Variants in CCDC91 observed in about 807,000 individuals in gnomAD.
CCDC91 encodes the protein coiled-coil domain-containing protein 91.
A neutral mutation model predicts 63.2 loss-of-function variants in CCDC91; 48 were observed. The observed-to-expected ratio is 0.76, with a 90% CI of 0.60 to 0.97. CCDC91 has a LOEUF of 0.97. CCDC91 is among the 50% of genes least tolerant of loss of function. CCDC91 has a pLI of 0.00. For synonymous variants in CCDC91, 167 were observed against 165.8 expected, an observed-to-expected ratio of 1.01 and a Z score of -0.06; for missense variants, 500 against 494.6, an observed-to-expected ratio of 1.01 and a Z score of -0.10.
At chr12:28,345,504 A>G (rs547806262) in intron 6 of CCDC91, among the ~76,000 whole-genome samples, 1 of 152,132 alleles carries the variant, frequency 6.6e-6, no homozygotes, top group South Asian at 2.1e-4. Flanking sequence ...TTTTATAGCT[A>G]TTTATTCACT....
intron 1 of CCDC91, chr12:28,191,339 G>A (rs1186875372): frequency 1.3e-5 from 2 of 152,258 alleles, no homozygotes; most frequent in Admixed American, 1.3e-4. Context: ...TTTTTGGTAG[G>A]ATGATGTTGC....
At chr12:28,405,400 T>C (rs1422608083) in intron 8 of CCDC91, among the ~76,000 whole-genome samples, 1 of 152,160 alleles carries the variant, frequency 6.6e-6, no homozygotes, top group African/African-American at 2.4e-5. Flanking sequence ...CTATTGTTAT[T>C]TTAAAGAAAC....
intron 11 of CCDC91, among the ~76,000 whole-genome samples, chr12:28,477,057 G>C (rs1463906727): frequency 2.0e-5 from 3 of 152,114 alleles, no homozygotes; most frequent in African/African-American, 4.8e-5. Flanking sequence ...AGGAGGAGCT[G>C]GTACCATTCC....
At chr12:28,254,503 A>G (rs1946314901) in intron 1 of CCDC91, among the ~76,000 whole-genome samples, 1 of 152,192 alleles carries the variant, frequency 6.6e-6, no homozygotes. Context: ...TACATAAATA[A>G]GCCCACATTT....
At chr12:28,521,866 G>A (rs1940708362) in intron 12 of CCDC91, among the ~76,000 whole-genome samples, 1 of 152,130 alleles carries the variant, frequency 6.6e-6, no homozygotes, top group Admixed American at 6.6e-5. Flanking sequence ...TTCATATGCT[G>A]GATTACACTT....
intron 8 of CCDC91, among the ~76,000 whole-genome samples, chr12:28,436,226 C>A (rs1329900037): frequency 2.6e-5 from 4 of 151,540 alleles, no homozygotes; most frequent in African/African-American, 9.7e-5. Context: ...TTATATGATT[C>A]TTTTTTTCTT....
intron 12 of CCDC91, among the ~76,000 whole-genome samples, chr12:28,523,862 G>A (rs1041142971): frequency 1.6e-4 from 24 of 152,086 alleles, no homozygotes; most frequent in Non-Finnish European, 3.4e-4. Flanking sequence ...ATGAAATTCT[G>A]GGTTGAAAAT....
intron 8 of CCDC91, among the ~76,000 whole-genome samples, chr12:28,413,924 G>A (rs777668728): frequency 2.2e-4 from 34 of 152,112 alleles, no homozygotes; most frequent in Non-Finnish European, 3.8e-4. Context: ...TGATGAATAC[G>A]GTACATGTCC....
At chr12:28,522,509 C>G (rs1337888825) in intron 12 of CCDC91, among the ~76,000 whole-genome samples, 2 of 152,026 alleles carry the variant, frequency 1.3e-5, no homozygotes, top group African/African-American at 2.4e-5. Flanking sequence ...TTTTATTGAT[C>G]TTTTCAAAAA....
At chr12:28,329,330 T>G (rs1404073370) in intron 6 of CCDC91, among the ~76,000 whole-genome samples, 1 of 152,212 alleles carries the variant, frequency 6.6e-6, no homozygotes, top group Non-Finnish European at 1.5e-5. Flanking sequence ...GTGGCATGTA[T>G]TTCATTCCCA....
At chr12:28,318,321 G>A (rs1026169281) in intron 6 of CCDC91, among the ~76,000 whole-genome samples, 25 of 150,916 alleles carry the variant, frequency 1.7e-4, no homozygotes, top group Non-Finnish European at 4.4e-5. Flanking sequence ...CAGGTAAATC[G>A]AGACCAGCTT....
chr12:28,211,127 A>G (rs1411967331), intron 1 of CCDC91, among the ~76,000 whole-genome samples: 5 of 149,916 alleles, frequency 3.3e-5, no homozygotes. Flanking sequence ...GACCAGCCTC[A>G]GAATTCTTTT....
At position 28,218,328 on chromosome 12, in the gene CCDC91, T is replaced by G. The variant is rs1185851305; in HGVS notation, c.-15+27687T>G. Among the ~76,000 whole-genome samples, 3 of 152,210 alleles carry G rather than the reference T, an allele frequency of 2.0e-5. No individual in the cohort carries two copies. In the South Asian group the frequency reaches 6.2e-4, roughly 32 times the overall value. ...TAGCACTAGTGACAAGCATAGAGGCTGTGATAAAAGTCTCTAATAGAAAGC... is the reference window on the plus strand; with the variant it reads ...TAGCACTAGTGACAAGCATAGAGGCGGTGATAAAAGTCTCTAATAGAAAGC... On this transcript the variant is annotated intron_variant, in intron 1 of 12. Transcript: ENST00000536442.
intron 7 of CCDC91, among the ~76,000 whole-genome samples, chr12:28,369,672 G>C (rs1944489218): frequency 6.6e-6 from 1 of 152,186 alleles, no homozygotes; most frequent in Non-Finnish European, 1.5e-5. Flanking sequence ...GGTTCTCTGT[G>C]AGGGCTCCTC....
chr12:28,324,125 G>T (rs1471303433), intron 6 of CCDC91, among the ~76,000 whole-genome samples: 2 of 151,752 alleles, frequency 1.3e-5, no homozygotes, highest in African/African-American at 4.8e-5. Context: ...ATAAAGTAAA[G>T]AAATACAAAT....
intron 8 of CCDC91, among the ~76,000 whole-genome samples, chr12:28,420,480 A>G (rs1462971338): frequency 6.6e-6 from 1 of 152,194 alleles, no homozygotes; most frequent in African/African-American, 2.4e-5. Flanking sequence ...GTTATATGCC[A>G]TCTGTATGTA....
At chr12:28,267,205 A>C (rs555729589) in intron 3 of CCDC91, among the ~76,000 whole-genome samples, 7 of 151,882 alleles carry the variant, frequency 4.6e-5, no homozygotes, top group Admixed American at 4.6e-4. Flanking sequence ...AACCATCCCA[A>C]TATCTTCCAG....
chr12:28,422,564 T>G (rs554803052), intron 8 of CCDC91, among the ~76,000 whole-genome samples: 1 of 152,122 alleles, frequency 6.6e-6, no homozygotes, highest in East Asian at 1.9e-4. Context: ...AAAAACACAT[T>G]TTATTAACTG....
intron 3 of CCDC91, among the ~76,000 whole-genome samples, chr12:28,275,966 G>T (rs529678389): frequency 2.6e-5 from 4 of 151,916 alleles, no homozygotes; most frequent in Admixed American, 1.3e-4. Flanking sequence ...TTGATGGGAC[G>T]TATCTCAAAA....
Sources: gnomAD v4.1 joint callset for allele counts (sites outside exome capture counted in the v4.1 genomes callset) on GRCh38, gnomAD v4.1.1 for gene constraint, MANE v1.5 for transcripts, NCBI Gene and HGNC (gene_info 2026-07-23, HGNC 2026-07-21) for gene names.